The following NBEA variants were observed in gnomAD, a reference collection of about 807,000 sequenced individuals.
The protein encoded by NBEA is neurobeachin, also known as lysosomal-trafficking regulator 2.
Under a neutral mutation model 343.4 loss-of-function variants are expected in NBEA, and 44 were observed. That is an observed-to-expected ratio of 0.13 (90% CI 0.10 to 0.16). NBEA has a LOEUF of 0.16. NBEA is among the 10% of genes least tolerant of loss of function. The pLI is 1.00. For synonymous variants in NBEA, 1,175 were observed against 1,238.7 expected (o/e 0.95, Z 1.08); for missense variants, 2,555 against 3,631.3 (o/e 0.70, Z 7.62).
intron 1 of NBEA, among the ~76,000 whole-genome samples, chr13:35,018,389 T>G (rs1269344787): frequency 6.6e-6 from 1 of 152,082 alleles, no homozygotes; most frequent in Non-Finnish European, 1.5e-5. Flanking sequence ...ACTTAGGTTT[T>G]TCTTTTCTCT....
chr13:35,475,119 T>A, intron 41 of NBEA: 1 of 1,614,094 alleles, frequency 6.2e-7, no homozygotes, highest in Non-Finnish European at 8.5e-7. Flanking sequence ...GCCACGTTTG[T>A]TTGGCAGCGT....
chr13:34,965,191 T>C (rs943910805), intron 1 of NBEA, among the ~76,000 whole-genome samples: 5 of 152,002 alleles, frequency 3.3e-5, no homozygotes, highest in African/African-American at 1.2e-4. Context: ...AGGGATGGTA[T>C]GCCCAACTCT....
chr13:35,267,958 A>G (rs2033827453), intron 34 of NBEA, among the ~76,000 whole-genome samples: 1 of 152,106 alleles, frequency 6.6e-6, no homozygotes. Flanking sequence ...TCGTTCCTAA[A>G]AAATTAAAAA....
At chr13:35,561,493 G>A (rs529634068) in intron 44 of NBEA, among the ~76,000 whole-genome samples, 42 of 152,052 alleles carry the variant, frequency 2.8e-4, no homozygotes, top group Non-Finnish European at 5.3e-4. Context: ...CTAAGACTTA[G>A]ATTAAAACAG....
intron 29 of NBEA, among the ~76,000 whole-genome samples, chr13:35,183,608 C>T (rs1310593359): frequency 6.6e-6 from 1 of 151,996 alleles, no homozygotes; most frequent in Non-Finnish European, 1.5e-5. Context: ...TCAAATTAAA[C>T]ATCATCCTAC....
At chr13:35,432,247 CT>C (rs747817630) in intron 38 of NBEA, 21 bp from the exon 39 acceptor site, 43 of 1,569,080 alleles carry the variant, frequency 2.7e-5, no homozygotes, top group African/African-American at 1.9e-4. Context: ...ATAGGGATTA[CT>C]TTTTTTCCCT....
chr13:35,264,570 T>G (rs1450058721), intron 34 of NBEA, among the ~76,000 whole-genome samples: 5 of 150,614 alleles, frequency 3.3e-5, no homozygotes, highest in African/African-American at 1.2e-4. Context: ...AGATTCATCC[T>G]AGGGATGCAG....
At chr13:35,665,568 AG>A (rs1380625730) in intron 56 of NBEA, among the ~76,000 whole-genome samples, 1 of 152,136 alleles carries the variant, frequency 6.6e-6, no homozygotes, top group Non-Finnish European at 1.5e-5. Context: ...TTTCTTTATA[AG>A]GCCAGGGGCT....
chr13:35,531,755 G>A (rs1462697598), intron 41 of NBEA, among the ~76,000 whole-genome samples: 2 of 152,158 alleles, frequency 1.3e-5, no homozygotes, highest in Admixed American at 1.3e-4. Flanking sequence ...TGCTGCAGAA[G>A]GTTGGGAGAG....
At chr13:35,467,866 A>G (rs1320287970) in intron 40 of NBEA, among the ~76,000 whole-genome samples, 2 of 152,374 alleles carry the variant, frequency 1.3e-5, no homozygotes, top group Admixed American at 6.5e-5. Flanking sequence ...GAAATATTCA[A>G]GTGATTCTAA....
intron 41 of NBEA, chr13:35,475,989 C>T (rs375479284): frequency 2.5e-6 from 4 of 1,614,096 alleles, no homozygotes; most frequent in South Asian, 2.2e-5. Context: ...TGATGAACCG[C>T]GGCTCCTGCA....
intron 30 of NBEA, among the ~76,000 whole-genome samples, chr13:35,187,484 TTATAA>T (rs1337343722): frequency 1.3e-5 from 2 of 149,854 alleles, no homozygotes; most frequent in Admixed American, 6.7e-5. Flanking sequence ...AATAAATATT[TTATAA>T]TATATAATAA....
chr13:35,600,471 T>C (rs1163849924), intron 47 of NBEA, among the ~76,000 whole-genome samples: 2 of 152,192 alleles, frequency 1.3e-5, no homozygotes, highest in Non-Finnish European at 2.9e-5. Flanking sequence ...AGAACTTTTT[T>C]ACTGAATTAC....
chr13:35,426,042 T>C (rs1161529048), intron 38 of NBEA, among the ~76,000 whole-genome samples: 2 of 152,232 alleles, frequency 1.3e-5, no homozygotes, highest in Non-Finnish European at 2.9e-5. Context: ...TATGTGTGTC[T>C]CTGCACATGA....
intron 7 of NBEA, among the ~76,000 whole-genome samples, chr13:35,058,030 C>CCATGA (rs1284982901): frequency 2.0e-5 from 3 of 152,054 alleles, no homozygotes; most frequent in African/African-American, 7.2e-5. Flanking sequence ...AGGAACTGAG[C>CCATGA]CATGACTGCC....
chr13:34,943,655 A>C (rs2152477105), intron 1 of NBEA, among the ~76,000 whole-genome samples: 1 of 152,296 alleles, frequency 6.6e-6, no homozygotes, highest in South Asian at 2.1e-4. Flanking sequence ...AAATATTCCA[A>C]GGCCATGATG....
In NBEA at chr13:35,157,106, G is replaced by C; in HGVS notation, c.2680G>C (p.Asp894His). Reference sequence around the variant, plus strand: ...CTTATTGCAGTGTTCAGTGTGGCAGGATTGGATGTTTTCTCTTGGCTATAT... The same window carrying C: ...CTTATTGCAGTGTTCAGTGTGGCAGCATTGGATGTTTTCTCTTGGCTATAT... ...RCLLQCSVWQ[D>H]WMFSLGYINP... The change falls in exon 21 of 59, where the codon GAT (aspartate) becomes CAT (histidine). Residue 894 changes from aspartate (D) to histidine (H), a missense_variant. By Grantham distance (81) the Asp-to-His change is moderately conservative. Coordinates refer to ENST00000379939, the MANE Select transcript of NBEA (RefSeq NM_001385012.1). 2 of 1,598,922 alleles carry C rather than the reference G, an allele frequency of 1.3e-6. No homozygotes were observed. Among genetic ancestry groups the C allele is most frequent in the Non-Finnish European group, 1.7e-6 (2 of 1,172,530 alleles).
chr13:35,308,482 ATATGTG>A (rs1188326959), intron 35 of NBEA, among the ~76,000 whole-genome samples: 1 of 125,364 alleles, frequency 8.0e-6, no homozygotes, highest in African/African-American at 3.2e-5. Flanking sequence ...ATGTATATAT[ATATGTG>A]TATATATATG....
At chr13:35,087,136 A>G (rs2064814717) in intron 10 of NBEA, among the ~76,000 whole-genome samples, 1 of 151,824 alleles carries the variant, frequency 6.6e-6, no homozygotes, top group Non-Finnish European at 1.5e-5. Context: ...TTTGCTGTGT[A>G]GAAGCTTTTT....
Sources: allele counts gnomAD v4.1 joint callset (sites outside exome capture counted in the v4.1 genomes callset), GRCh38; gene constraint gnomAD v4.1.1; transcripts MANE v1.5; gene names NCBI Gene and HGNC (gene_info 2026-07-23, HGNC 2026-07-21).